The following CMYA5 variants were observed in gnomAD, a reference collection of about 807,000 sequenced individuals.
CMYA5 encodes cardiomyopathy-associated protein 5.
A neutral mutation model predicts 318.9 loss-of-function variants in CMYA5; 246 were observed. That is an observed-to-expected ratio of 0.77 (90% CI 0.70 to 0.86). The LOEUF is 0.86. Among genes scored for constraint, CMYA5 ranks in the 40% least tolerant of loss-of-function variants. The probability of loss-of-function intolerance (pLI) is 0.00; values close to 1 mark genes in which losing one functional copy is unlikely to be tolerated. For synonymous variants in CMYA5, 1,641 were observed against 1,729.5 expected (o/e 0.95, Z 1.27); for missense variants, 4,589 against 4,678.2 (o/e 0.98, Z 0.56).
chr5:79,721,636 C>A (rs1316728195), intron 1 of CMYA5, among the ~76,000 whole-genome samples: 1 of 151,988 alleles, frequency 6.6e-6, no homozygotes, highest in African/African-American at 2.4e-5. Flanking sequence ...ATAATGCAAA[C>A]ATTAACCAAA....
In CMYA5 at chr5:79,738,596, T is replaced by C. The variant is rs3749677; in HGVS notation, c.9831T>C (p.Ala3277=). ...VGKDDSYQPI[A]AEGEIWGKFG... ...AGGATGATTCATACCAACCGATAGCTGCAGAAGGGGAAATTTGGGGAAAGT... is the reference window on the plus strand; with the variant it reads ...AGGATGATTCATACCAACCGATAGCCGCAGAAGGGGAAATTTGGGGAAAGT... The change falls in exon 2 of 13, where the codon GCT becomes GCC. Residue 3277 remains alanine (A), a synonymous_variant. Coordinates refer to ENST00000446378, the MANE Select transcript of CMYA5 (RefSeq NM_153610.5). 4 of 1,613,730 alleles carry C rather than the reference T, an allele frequency of 2.5e-6. No homozygotes were observed. In the East Asian group the frequency reaches 8.9e-5, roughly 36 times the overall value.
In CMYA5 at chr5:79,732,256, C is replaced by G. The variant is rs1682066411; in HGVS notation, c.3491C>G (p.Thr1164Ser). The change falls in exon 2 of 13, where the codon ACC (threonine) becomes AGC (serine). Residue 1164 changes from threonine to serine, a missense_variant. Around this residue, in one of 3 missense-constraint regions of CMYA5, gnomAD observed 2,132 missense variants for 2,131.3 expected, o/e 1.00. Coordinates refer to ENST00000446378, the MANE Select transcript of CMYA5 (RefSeq NM_153610.5). Reference sequence around the variant, plus strand: ...CAATCATCTATAGTAAAGGAAGAAACCAAACCTGCATCTCCACATTCAGTT... The same window carrying G: ...CAATCATCTATAGTAAAGGAAGAAAGCAAACCTGCATCTCCACATTCAGTT... ...PAQSSIVKEE[T>S]KPASPHSVLP... 6.2e-7 allele frequency: 1 copy of G among 1,613,918 alleles called. No individual in the cohort carries two copies. The highest frequency in any genetic ancestry group is 1.1e-5 in the South Asian group (1 of 91,072).
chr5:79,768,750 G>A (rs931307661), intron 9 of CMYA5, among the ~76,000 whole-genome samples: 5 of 144,838 alleles, frequency 3.5e-5, no homozygotes, highest in African/African-American at 1.3e-4. Context: ...TTCAACCTTG[G>A]TGAATCAGAT....
Position 79,738,851 on chromosome 5 carries a change from C to T in CMYA5, c.10086C>T (p.Val3362=), listed in dbSNP as rs756550265. 17 of 1,613,700 alleles carry T rather than the reference C, an allele frequency of 1.1e-5. No individual in the cohort carries two copies. In the South Asian group the frequency reaches 1.3e-4, roughly 13 times the overall value. Residue 3362 remains valine (V), a synonymous_variant, in exon 2 of 13, where the codon GTC becomes GTT. Transcript: ENST00000446378. ...AAGCAGGCAGTCACGGTAATGAAGT[C>T]GGAAATGCAAGTCCAGAGGTCAATC... ...ADEAGSHGNE[V]GNASPEVNLN...
At chr5:79,720,332 T>TA (rs1476334989) in intron 1 of CMYA5, among the ~76,000 whole-genome samples, 1 of 151,896 alleles carries the variant, frequency 6.6e-6, no homozygotes, top group African/African-American at 2.4e-5. Context: ...AAGTGACAGT[T>TA]ACACTGACAG....
At chr5:79,761,612 A>G (rs1828652677) in intron 7 of CMYA5, among the ~76,000 whole-genome samples, 199 bp from the exon 8 acceptor site, 1 of 152,240 alleles carries the variant, frequency 6.6e-6, no homozygotes, top group Non-Finnish European at 1.5e-5. Context: ...AAGTATTACT[A>G]TGTCATCCTA....
intron 1 of CMYA5, among the ~76,000 whole-genome samples, chr5:79,696,661 G>T (rs374999065): frequency 7.2e-5 from 11 of 152,100 alleles, no homozygotes; most frequent in Admixed American, 3.3e-4. Context: ...ATTTCACTAG[G>T]GCACTTAAAT....
At chr5:79,776,831 C>T in intron 9 of CMYA5, among the ~76,000 whole-genome samples, 1 of 149,842 alleles carries the variant, frequency 6.7e-6, no homozygotes, top group East Asian at 1.9e-4. Flanking sequence ...GCAGTGACGA[C>T]ACTAACTGTA....
Position 79,799,408 on chromosome 5 carries a change from A to G in CMYA5, c.12002A>G (p.His4001Arg). The G allele has an allele frequency of 6.2e-7, 1 of 1,613,602 alleles. No individual in the cohort carries two copies. Among genetic ancestry groups the G allele is most frequent in the Non-Finnish European group, 8.5e-7 (1 of 1,179,514 alleles). The change falls in exon 13 of 13, where the codon CAT becomes CGT. Residue 4001 changes from histidine (H) to arginine (R), a missense_variant. Around this residue, in one of 3 missense-constraint regions of CMYA5, gnomAD observed 2,431 missense variants for 2,495.1 expected, o/e 0.97. Transcript: ENST00000446378. ...TACAGTGGTATTGTGAGTGATGTTC[A>G]TGTGACTGAGCGTCCAGCCAGAGTG... ...FFYSGIVSDV[H>R]VTERPARVGI...
chr5:79,713,128 T>C (rs996985041), intron 1 of CMYA5, among the ~76,000 whole-genome samples: 1 of 152,232 alleles, frequency 6.6e-6, no homozygotes, highest in Admixed American at 6.5e-5. Context: ...GAGTGTCTTT[T>C]CTCACTCTTG....
At chr5:79,701,090 C>CCAAAAAAAAAAAA (rs55791310) in intron 1 of CMYA5, among the ~76,000 whole-genome samples, 2 of 114,924 alleles carry the variant, frequency 1.7e-5, no homozygotes, top group African/African-American at 3.1e-5. Context: ...ACTAAAAATA[C>CCAAAAAAAAAAAA]AAAAAAAAAA....
At chr5:79,709,134 G>A (rs1362512815) in intron 1 of CMYA5, among the ~76,000 whole-genome samples, 2 of 152,136 alleles carry the variant, frequency 1.3e-5, no homozygotes, top group Non-Finnish European at 2.9e-5. Context: ...GTGTTGCTAA[G>A]AGTATGGGTA....
chr5:79,752,296 T>A (rs1447938423), intron 5 of CMYA5, among the ~76,000 whole-genome samples: 1 of 152,208 alleles, frequency 6.6e-6, no homozygotes, highest in Non-Finnish European at 1.5e-5. Context: ...AGCATTTTTA[T>A]CCTTTGAAGC....
chr5:79,770,453 C>T (rs1828833830), intron 9 of CMYA5, among the ~76,000 whole-genome samples: 1 of 152,214 alleles, frequency 6.6e-6, no homozygotes, highest in African/African-American at 2.4e-5. Flanking sequence ...AGAGAATCTC[C>T]TGGTCTACAG....
intron 9 of CMYA5, among the ~76,000 whole-genome samples, chr5:79,766,123 G>T (rs1464960919): frequency 1.3e-5 from 2 of 152,098 alleles, no homozygotes; most frequent in Non-Finnish European, 2.9e-5. Context: ...TTTTGAGACG[G>T]GGTGTCCCTC....
At position 79,733,183 on chromosome 5, in the gene CMYA5, C is replaced by G. The variant is rs1827959671; in HGVS notation, c.4418C>G (p.Pro1473Arg). ...VEAKEVKAGL[P>R]VIKTSSSQHS... is the part of the protein sequence containing the mutation. The stretch of plus-strand genomic sequence containing the variant: ...GCCAAAGAAGTTAAAGCTGGGTTGC[C>G]AGTAATCAAAACATCATCTTCTCAG... Residue 1473 changes from proline (P) to arginine (R), a missense_variant, in exon 2 of 13, where the codon CCA becomes CGA. Physicochemically the swap from Pro to Arg is moderately radical, Grantham distance 103 (BLOSUM62 -2). Coordinates refer to ENST00000446378, the MANE Select transcript of CMYA5 (RefSeq NM_153610.5). 6.2e-7 allele frequency: 1 copy of G among 1,613,690 alleles called. No homozygotes were observed. Among genetic ancestry groups the G allele is most frequent in the East Asian group, 2.2e-5 (1 of 44,872 alleles).
At chr5:79,726,612 A>G (rs1827752432) in intron 1 of CMYA5, among the ~76,000 whole-genome samples, 2 of 152,178 alleles carry the variant, frequency 1.3e-5, no homozygotes, top group South Asian at 4.1e-4. Flanking sequence ...TTTATAGCAC[A>G]CTAGGGTGAA....
chr5:79,787,543 G>C (rs768306656), intron 9 of CMYA5, among the ~76,000 whole-genome samples: 4 of 152,146 alleles, frequency 2.6e-5, no homozygotes, highest in African/African-American at 9.7e-5. Context: ...AGTGGACGTG[G>C]GACTCAGTGT....
Position 79,738,813 on chromosome 5 carries a change from G to A in CMYA5, c.10048G>A (p.Glu3350Lys). 6.2e-7 allele frequency: 1 copy of A among 1,613,826 alleles called. No individual in the cohort carries two copies. Among genetic ancestry groups the A allele is most frequent in the Non-Finnish European group, 8.5e-7 (1 of 1,179,858 alleles). The change falls in exon 2 of 13, where the codon GAG (glutamate) becomes AAG (lysine). Residue 3350 changes from glutamate to lysine, a missense_variant. Physicochemically the swap from Glu to Lys is moderately conservative, Grantham distance 56. Coordinates refer to ENST00000446378, the MANE Select transcript of CMYA5 (RefSeq NM_153610.5). The stretch of plus-strand genomic sequence containing the variant: ...ATTTGAAGACACCCATCATGTTCTG[G>A]AGCGTGCAGATGAAGCAGGCAGTCA... ...VPFEDTHHVL[E>K]RADEAGSHGN... is the part of the protein sequence containing the mutation.
Sources: gnomAD v4.1 joint callset for allele counts (sites outside exome capture counted in the v4.1 genomes callset) on GRCh38, gnomAD v4.1.1 for gene constraint, gnomAD v4.1.1 regional missense constraint, MANE v1.5 for transcripts, NCBI Gene and HGNC (gene_info 2026-07-23, HGNC 2026-07-21) for gene names.